The following HPS4 variants were observed in gnomAD, a reference collection of about 807,000 sequenced individuals.
HPS4 encodes the protein BLOC-3 complex member HPS4.
HPS4 carries 44 observed loss-of-function variants against 70.3 expected under a neutral mutation model. The ratio of observed to expected loss-of-function variants is 0.63; its 90% CI spans 0.49 to 0.80. The LOEUF (loss-of-function observed/expected upper bound fraction) is 0.80, where lower values mean the gene tolerates loss of function less well. Ranked by LOEUF, HPS4 falls within the 30% of genes least tolerant of loss-of-function variation. HPS4 has a pLI of 0.00. For missense variants in HPS4, 873 were observed against 884.4 expected (o/e 0.99, Z 0.16); for synonymous variants, 377 against 355.9 (o/e 1.06, Z -0.67).
At chr22:26,462,539 C>T (rs774352825) in intron 11 of HPS4, among the ~76,000 whole-genome samples, 6 of 152,146 alleles carry the variant, frequency 3.9e-5, no homozygotes, top group African/African-American at 7.2e-5. Context: ...ACGAGAGATG[C>T]GAAGTATTTC....
intron 2 of HPS4, 151 bp from the exon 3 acceptor site, chr22:26,479,506 A>AT: frequency 6.9e-7 from 1 of 1,457,718 alleles, no homozygotes; most frequent in South Asian, 1.5e-5. Context: ...CCCAGTAGCT[A>AT]CAAATTAGAT....
chr22:26,458,307 G>T, intron 12 of HPS4, 138 bp downstream of exon 12: 1 of 1,060,698 alleles, frequency 9.4e-7, no homozygotes, highest in Non-Finnish European at 1.4e-6. Flanking sequence ...TGGGCTCCCG[G>T]TGAGAAGAGA....
chr22:26,481,124 T>G (rs1204437980), intron 2 of HPS4, among the ~76,000 whole-genome samples: 1 of 151,646 alleles, frequency 6.6e-6, no homozygotes, highest in East Asian at 1.9e-4. Context: ...TCCCTGCTTG[T>G]GCGGGCACAC....
intron 12 of HPS4, 49 bp from the exon 13 acceptor site, chr22:26,458,016 C>T: frequency 1.5e-6 from 2 of 1,378,568 alleles, no homozygotes; most frequent in Non-Finnish European, 2.0e-6. Context: ...TTACCTTCTG[C>T]CCTCCCACCC....
rs570509591 is a variant in HPS4, at chr22:26,452,753, G to T, written c.*480C>A. 8.2e-6 allele frequency: 2 copies of T among 243,648 alleles called. No individual in the cohort carries two copies. The highest frequency in any genetic ancestry group is 1.6e-5 in the Non-Finnish European group (2 of 122,618). The allele number at this position is 243,648 out of a possible 1,614,324, so 15.1% of individuals were successfully genotyped here. ...GAGCGCACTGGAGAAACCTACCTGC[G>T]GCGTGGGAGTGGAGTCGGCCTGCTC... On this transcript the variant is annotated 3_prime_UTR_variant, in exon 14 of 14. Coordinates refer to ENST00000398145, the MANE Select transcript of HPS4 (RefSeq NM_022081.6).
intron 11 of HPS4, among the ~76,000 whole-genome samples, chr22:26,463,493 C>T (rs1248306308): frequency 6.6e-6 from 1 of 152,188 alleles, no homozygotes; most frequent in East Asian, 1.9e-4. Flanking sequence ...TATCTCACTG[C>T]ATCTGGAACA....
chr22:26,466,237 G>A lies in HPS4; in HGVS notation c.695C>T (p.Pro232Leu), dbSNP rs751553768. 29 of 1,614,026 alleles carry A rather than the reference G, an allele frequency of 1.8e-5. No homozygotes were observed. The East Asian group carries it at 3.6e-4, about 20-fold the overall frequency. The part of the protein sequence containing the change: ...EQRLPTGEDA[P>L]QEHGAALPPN... Reference sequence around the variant, plus strand: ...GCCTCACTACTTACCATGTTCCTGCGGGGCATCCTCTCCCGTAGGGAGTCT... The same window carrying A: ...GCCTCACTACTTACCATGTTCCTGCAGGGCATCCTCTCCCGTAGGGAGTCT... The change falls in exon 9 of 14, where the codon CCG becomes CTG. Residue 232 changes from proline (P) to leucine (L), a missense_variant. Transcript: ENST00000398145.
chr22:26,463,080 C>T (rs1233761928), intron 11 of HPS4, among the ~76,000 whole-genome samples: 1 of 152,220 alleles, frequency 6.6e-6, no homozygotes, highest in Admixed American at 6.5e-5. Flanking sequence ...ACACCATTTG[C>T]CCTGCAGCAA....
chr22:26,465,723 G>C, intron 9 of HPS4, 172 bp from the exon 10 acceptor site: 1 of 623,646 alleles, frequency 1.6e-6, no homozygotes, highest in Non-Finnish European at 2.8e-6. Context: ...GAACTCCTGG[G>C]CCCAGTAAGG....
chr22:26,477,031 G>C lies in HPS4; in HGVS notation c.238C>G (p.Leu80Val). Residue 80 changes from leucine to valine, a missense_variant, in exon 4 of 14, where the codon CTG becomes GTG. Physicochemically the swap from Leu to Val is conservative, Grantham distance 32. Coordinates refer to ENST00000398145, the MANE Select transcript of HPS4 (RefSeq NM_022081.6). ...CCATCAACTTTTATGGCAAACTTCAGTTTTCTCAGACGAACAAGAGTAGGA... is the reference window on the plus strand; with the variant it reads ...CCATCAACTTTTATGGCAAACTTCACTTTTCTCAGACGAACAAGAGTAGGA... ...SPPTLVRLRKLKFAIKVDGDY... is the reference protein window; with the variant it reads ...SPPTLVRLRKVKFAIKVDGDY... 1.2e-6 allele frequency: 2 copies of C among 1,614,160 alleles called. No individual in the cohort carries two copies. Among genetic ancestry groups the C allele is most frequent in the South Asian group, 1.1e-5 (1 of 91,078 alleles).
At position 26,455,421 on chromosome 22, in the gene HPS4, T is replaced by C. The variant is rs377399124; in HGVS notation, c.1956-2017A>G. Among the ~76,000 whole-genome samples the C allele has an allele frequency of 3.3e-3, 501 of 151,898 alleles. 12 individuals carry two copies. Among genetic ancestry groups the C allele is most frequent in the East Asian group, 3.3e-3 (17 of 5,160 alleles). ...GCAGCCATAAAAAATGATGAGTTCA[T>C]GTCCTTTGTAGGGACATGGATGAAA... On this transcript the variant is annotated intron_variant, in intron 13 of 13. Coordinates refer to ENST00000398145, the MANE Select transcript of HPS4 (RefSeq NM_022081.6).
At chr22:26,449,036 G>C (rs551189881), downstream of HPS4, among the ~76,000 whole-genome samples, 2 of 152,240 alleles carry the variant, frequency 1.3e-5, no homozygotes, top group Admixed American at 6.5e-5. Flanking sequence ...GGGAGCACAG[G>C]CTGAGAGTAT....
At chr22:26,479,799 C>T in intron 2 of HPS4, 1 of 537,036 alleles carries the variant, frequency 1.9e-6, no homozygotes, top group Non-Finnish European at 2.4e-6. Context: ...GGAATTCATG[C>T]ATTCACTTAA....
At position 26,464,365 on chromosome 22, in the gene HPS4, A is replaced by G; in HGVS notation, c.1265T>C (p.Ile422Thr). 1 of 1,614,136 alleles carries G rather than the reference A, an allele frequency of 6.2e-7. No homozygotes were observed. Among genetic ancestry groups the G allele is most frequent in the Non-Finnish European group, 8.5e-7 (1 of 1,180,030 alleles). The change falls in exon 11 of 14, where the codon ATC becomes ACC. Residue 422 changes from isoleucine (I) to threonine (T), a missense_variant. Transcript: ENST00000398145. The stretch of plus-strand genomic sequence containing the variant: ...AGCAGAGGGAGGGCGCAAGCTGCTG[A>G]TGGCTGTGTCCTCAGGAGGCGTGGG... ...LEPTPPEDTAISSLRPPSAPE... is the reference protein window; with the variant it reads ...LEPTPPEDTATSSLRPPSAPE...
downstream of HPS4, chr22:26,444,002 C>T (rs1043966389): frequency 1.2e-4 from 18 of 152,262 alleles, no homozygotes; most frequent in Admixed American, 2.6e-4. Context: ...GCTTACCTCA[C>T]TGCCTACAGA....
chr22:26,465,400 C>T (rs2088331921), intron 10 of HPS4, 55 bp downstream of exon 10: 6 of 1,278,826 alleles, frequency 4.7e-6, no homozygotes, highest in South Asian at 3.6e-5. Flanking sequence ...TAACCAATCA[C>T]GCGATGGGGT....
intron 4 of HPS4, chr22:26,476,788 T>A (rs1328912523): frequency 1.7e-6 from 1 of 587,766 alleles, no homozygotes; most frequent in Admixed American, 2.7e-5. Flanking sequence ...CTGTGTGCAA[T>A]GCAGAATATG....
At chr22:26,469,718 T>A (rs2089459786) in intron 7 of HPS4, among the ~76,000 whole-genome samples, 1 of 149,052 alleles carries the variant, frequency 6.7e-6, no homozygotes. Flanking sequence ...AAAATATATA[T>A]ATATACATTT....
intron 3 of HPS4, among the ~76,000 whole-genome samples, chr22:26,477,634 G>A (rs1293597368): frequency 6.6e-6 from 1 of 152,078 alleles, no homozygotes; most frequent in Non-Finnish European, 1.5e-5. Context: ...CTAACGCACA[G>A]GACAGCCAGA....
Sources: allele counts gnomAD v4.1 joint callset (sites outside exome capture counted in the v4.1 genomes callset), GRCh38; gene constraint gnomAD v4.1.1; transcripts MANE v1.5; gene names NCBI Gene and HGNC (gene_info 2026-07-23, HGNC 2026-07-21).